The following MUC12 variants were observed in gnomAD, a reference collection of about 807,000 sequenced individuals.
MUC12 encodes mucin 12, cell surface associated.
A neutral mutation model predicts 230.8 loss-of-function variants in MUC12; 172 were observed. The ratio of observed to expected loss-of-function variants is 0.75; its 90% CI spans 0.66 to 0.85. The LOEUF (loss-of-function observed/expected upper bound fraction) is 0.85. Ranked by LOEUF, MUC12 falls within the 40% of genes least tolerant of loss-of-function variation. MUC12 has a pLI of 0.00. For missense variants in MUC12, 3,506 were observed against 5,920.6 expected, an observed-to-expected ratio of 0.59 and a Z score of 13.38; for synonymous variants, 1,259 against 2,401.9, an observed-to-expected ratio of 0.52 and a Z score of 13.91.
At chr7:100,976,994 T>C (rs111723448) in intron 1 of MUC12, among the ~76,000 whole-genome samples, 14,516 of 134,950 alleles carry the variant, frequency 0.11, 1,147 homozygotes, top group Admixed American at 0.31. Flanking sequence ...GAGGTTGCAG[T>C]GAGCCGAGAT....
chr7:100,974,981 T>C (rs1228188557), intron 1 of MUC12, among the ~76,000 whole-genome samples: 1 of 152,306 alleles, frequency 6.6e-6, no homozygotes, highest in Non-Finnish European at 1.5e-5. Context: ...GAGGCTGTAT[T>C]GACCGGGAGG....
At chr7:101,016,695 G>T (rs1294563699) in intron 10 of MUC12, among the ~76,000 whole-genome samples, 1 of 143,938 alleles carries the variant, frequency 6.9e-6, no homozygotes, top group South Asian at 2.4e-4. Flanking sequence ...TGAGGCTGAG[G>T]GGGTGGGGGG....
Position 101,004,984 on chromosome 7 carries a change from A to T in MUC12, c.14421A>T (p.Thr4807=). ...GTAAGCCAGGCTCAACTGAGACAAC[A>T]CTGTCCCCTGGCAGCATCACAACTT... ...FHSKPGSTET[T]LSPGSITTSS... is the part of the protein sequence containing the mutation. Residue 4807 remains threonine, a synonymous_variant, in exon 2 of 12, where the codon ACA becomes ACT. Coordinates refer to ENST00000536621, the MANE Select transcript of MUC12 (RefSeq NM_001164462.2). The T allele has an allele frequency of 6.5e-7, 1 of 1,537,708 alleles. No homozygotes were observed.
At position 100,994,056 on chromosome 7, in the gene MUC12, C is replaced by T. The variant is rs1321244397; in HGVS notation, c.3493C>T (p.Arg1165Ter). 7.8e-6 allele frequency: 8 copies of T among 1,020,824 alleles called. 1 individual carries two copies. The highest frequency in any genetic ancestry group is 1.1e-5 in the Non-Finnish European group (8 of 757,130). 63.2% of individuals were successfully genotyped at this position (1,020,824 alleles called of 1,614,324 possible). A position where few individuals can be genotyped will look rare whatever the true frequency, so the allele number is the denominator to read the frequency against. Residue 1165 changes from arginine (R) to a stop codon, truncating the protein, a stop_gained, in exon 2 of 12, where the codon CGA becomes TGA. Coordinates refer to ENST00000536621, the MANE Select transcript of MUC12 (RefSeq NM_001164462.2). LOFTEE classifies it high-confidence loss of function. Reference sequence around the variant, plus strand: ...ATCTACCACCGTCTACAGCAGCAGCCGAGGCTCAACTGAAACCACAGTGTT... The same window carrying T: ...ATCTACCACCGTCTACAGCAGCAGCTGAGGCTCAACTGAAACCACAGTGTT... ...EESTTVYSSS[R>*]GSTETTVFPH...
intron 1 of MUC12, among the ~76,000 whole-genome samples, chr7:100,989,841 C>A (rs970065950): frequency 6.6e-6 from 1 of 152,132 alleles, no homozygotes; most frequent in African/African-American, 2.4e-5. Flanking sequence ...CAGGTGTACA[C>A]CACCACACCT....
intron 4 of MUC12, 74 bp from the exon 5 acceptor site, chr7:101,009,021 C>T (rs1793801270): frequency 6.7e-7 from 1 of 1,488,754 alleles, no homozygotes; most frequent in Non-Finnish European, 9.1e-7. Flanking sequence ...GTGCCTAGGG[C>T]TGCCTCAAGA....
At chr7:100,981,652 A>G in intron 1 of MUC12, 2 of 411,878 alleles carry the variant, frequency 4.9e-6, no homozygotes, top group Non-Finnish European at 8.6e-6. Flanking sequence ...GGTTAAGGAC[A>G]AACTGAATGG....
intron 1 of MUC12, among the ~76,000 whole-genome samples, chr7:100,973,277 T>C (rs1320849066): frequency 6.6e-6 from 1 of 151,750 alleles, no homozygotes; most frequent in Non-Finnish European, 1.5e-5. Flanking sequence ...GACGTGGAGA[T>C]AGATGGTCTA....
chr7:101,008,845 G>A, intron 4 of MUC12, 84 bp downstream of exon 4: 1 of 1,455,680 alleles, frequency 6.9e-7, no homozygotes, highest in Non-Finnish European at 9.1e-7. Flanking sequence ...TTAGTGATCT[G>A]AGTTCTTCTG....
intron 1 of MUC12, chr7:100,972,872 C>G: frequency 1.4e-6 from 1 of 702,856 alleles, no homozygotes; most frequent in Non-Finnish European, 2.6e-6. Context: ...ACATTGTGGA[C>G]TGGTGAGGTT....
chr7:100,979,373 G>T, intron 1 of MUC12, among the ~76,000 whole-genome samples: 1 of 151,936 alleles, frequency 6.6e-6, no homozygotes, highest in East Asian at 1.9e-4. Flanking sequence ...CTTGGAAATT[G>T]TTACCAGTGA....
intron 1 of MUC12, 88 bp downstream of exon 1, chr7:100,969,777 G>A: frequency 6.6e-7 from 1 of 1,523,112 alleles, no homozygotes; most frequent in Admixed American, 2.0e-5. Flanking sequence ...GGCTGCAGGT[G>A]GCCTCCTCCC....
intron 10 of MUC12, among the ~76,000 whole-genome samples, chr7:101,016,558 G>A (rs186791584): frequency 6.6e-6 from 1 of 152,112 alleles, no homozygotes; most frequent in African/African-American, 2.4e-5. Context: ...TAGGTGATCC[G>A]CCCGCCTTGG....
intron 1 of MUC12, among the ~76,000 whole-genome samples, chr7:100,972,662 T>A (rs117751419): frequency 0.015 from 2,321 of 152,130 alleles, 20 homozygotes; most frequent in Middle Eastern, 0.051. Context: ...GCCAACATGC[T>A]CAGCTAATTT....
intron 1 of MUC12, 133 bp downstream of exon 1, chr7:100,969,822 AC>A: frequency 2.2e-6 from 3 of 1,337,486 alleles, no homozygotes; most frequent in Non-Finnish European, 3.1e-6. Flanking sequence ...AGGGCTGGAG[AC>A]CCGTGCTGTG....
chr7:100,970,929 G>A (rs577285858), intron 1 of MUC12, among the ~76,000 whole-genome samples: 1 of 151,942 alleles, frequency 6.6e-6, no homozygotes, highest in East Asian at 2.0e-4. Context: ...CCCGGGAGGC[G>A]GAGCCTGCAG....
chr7:101,005,122 C>A lies in MUC12; in HGVS notation c.14559C>A (p.Phe4853Leu). 6.5e-7 allele frequency: 1 copy of A among 1,537,988 alleles called. No individual in the cohort carries two copies. The highest frequency in any genetic ancestry group is 1.2e-5 in the South Asian group (1 of 84,068). Reference sequence around the variant, plus strand: ...GCCTTAGTGAGGAATCTACCACCTTCTACAGCAGCCCAGGCTCAACTGAAA... The same window carrying A: ...GCCTTAGTGAGGAATCTACCACCTTATACAGCAGCCCAGGCTCAACTGAAA... ...VPGLSEESTT[F>L]YSSPGSTETT... is the part of the protein sequence containing the mutation. The change falls in exon 2 of 12, where the codon TTC (phenylalanine) becomes TTA (leucine). Residue 4853 changes from phenylalanine to leucine, a missense_variant. Coordinates refer to ENST00000536621, the MANE Select transcript of MUC12 (RefSeq NM_001164462.2).
rs1411572781 is a variant in MUC12 at position 101,002,854 on chromosome 7, A to T, written c.12291A>T (p.Thr4097=). The T allele has an allele frequency of 1.8e-5, 19 of 1,048,352 alleles. 5 individuals carry two copies. Among genetic ancestry groups the T allele is most frequent in the Non-Finnish European group, 2.2e-5 (17 of 767,642 alleles). 64.9% of individuals were successfully genotyped at this position (1,048,352 alleles called of 1,614,324 possible). A position where few individuals can be genotyped will look rare whatever the true frequency, so the allele number is the denominator to read the frequency against. Residue 4097 remains threonine, a synonymous_variant, in exon 2 of 12, where the codon ACA becomes ACT. Transcript: ENST00000536621. ...CAACACCTTCACCTCCCAGCACCAC[A>T]GCAGTCCCTGTTGAAGTATCCACAA... The part of the protein sequence containing the change: ...SDTTPSPPST[T]AVPVEVSTTY...
At chr7:101,007,946 C>T (rs531311485) in intron 3 of MUC12, among the ~76,000 whole-genome samples, 3 of 150,698 alleles carry the variant, frequency 2.0e-5, no homozygotes, top group African/African-American at 4.9e-5. Flanking sequence ...TACAGGTGCC[C>T]GTCACCATGC....
Sources: gnomAD v4.1 joint callset for allele counts (sites outside exome capture counted in the v4.1 genomes callset) on GRCh38, gnomAD v4.1.1 for gene constraint, MANE v1.5 for transcripts, NCBI Gene and HGNC (gene_info 2026-07-23, HGNC 2026-07-21) for gene names.